FNDC3A: variants seen among roughly 807,000 people sequenced by gnomAD.
FNDC3A encodes the protein fibronectin type-III domain-containing protein 3A.
A neutral mutation model predicts 148.9 loss-of-function variants in FNDC3A; 32 were observed. The ratio of observed to expected loss-of-function variants is 0.21; its 90% CI spans 0.16 to 0.29. The LOEUF (loss-of-function observed/expected upper bound fraction) is 0.29. Ranked by LOEUF, FNDC3A falls within the 10% of genes least tolerant of loss-of-function variation. The probability of loss-of-function intolerance (pLI) is 1.00; values close to 1 mark genes in which losing one functional copy is unlikely to be tolerated. For synonymous variants in FNDC3A, 472 were observed against 473.6 expected, an observed-to-expected ratio of 1.00 and a Z score of 0.04; for missense variants, 1,191 against 1,452.8, an observed-to-expected ratio of 0.82 and a Z score of 2.93.
chr13:49,029,180 C>T (rs966756539), intron 2 of FNDC3A, among the ~76,000 whole-genome samples: 10 of 152,054 alleles, frequency 6.6e-5, no homozygotes, highest in African/African-American at 2.4e-4. Flanking sequence ...CTCTGTTGCC[C>T]AGGCTTCAGT....
intron 18 of FNDC3A, 35 bp from the exon 19 acceptor site, chr13:49,191,174 T>A: frequency 6.2e-7 from 1 of 1,605,284 alleles, no homozygotes; most frequent in Non-Finnish European, 8.5e-7. Flanking sequence ...GAAGTATTCG[T>A]CTTGTTAAAT....
At chr13:49,144,944 C>CT (rs139791994) in intron 7 of FNDC3A, among the ~76,000 whole-genome samples, 2,844 of 152,162 alleles carry the variant, frequency 0.019, 92 homozygotes, top group African/African-American at 0.063. Flanking sequence ...ACCTCATGTT[C>CT]TTTTTTGAGC....
chr13:49,046,965 A>C (rs542872431), intron 2 of FNDC3A, among the ~76,000 whole-genome samples: 46 of 152,144 alleles, frequency 3.0e-4, no homozygotes, highest in African/African-American at 1.1e-3. Context: ...CGAGCAGTGT[A>C]CACTGTACCC....
At chr13:49,051,191 A>C (rs1166528639) in intron 2 of FNDC3A, among the ~76,000 whole-genome samples, 1 of 151,794 alleles carries the variant, frequency 6.6e-6, no homozygotes, top group Non-Finnish European at 1.5e-5. Context: ...TCATTGCACT[A>C]TTTGTTGCCT....
intron 2 of FNDC3A, among the ~76,000 whole-genome samples, chr13:49,028,301 C>G (rs1873868695): frequency 6.6e-6 from 1 of 152,042 alleles, no homozygotes; most frequent in Non-Finnish European, 1.5e-5. Context: ...GCTCTATCAC[C>G]AGGCTGAAGT....
Position 49,191,108 on chromosome 13 carries a change from C to G in FNDC3A, c.2038C>G (p.Gln680Glu), listed in dbSNP as rs1885861166. The change falls in exon 18 of 26, where the codon CAG (glutamine) becomes GAG (glutamate). Residue 680 changes from glutamine (Q) to glutamate (E), a missense_variant. Coordinates refer to ENST00000492622, the MANE Select transcript of FNDC3A (RefSeq NM_001079673.2). ...LQGRPKAKEI[Q>E]LRWGPPLVDG... Reference sequence around the variant, plus strand: ...GGGTAGACCCAAAGCAAAAGAAATACAGTTACGATGGGGTAATTTCCATTT... The same window carrying G: ...GGGTAGACCCAAAGCAAAAGAAATAGAGTTACGATGGGGTAATTTCCATTT... 5 of 1,612,344 alleles carry G rather than the reference C, an allele frequency of 3.1e-6. No individual in the cohort carries two copies. The highest frequency in any genetic ancestry group is 4.2e-6 in the Non-Finnish European group (5 of 1,179,190).
intron 1 of FNDC3A, among the ~76,000 whole-genome samples, chr13:48,996,683 A>C (rs935785126): frequency 6.6e-6 from 1 of 152,166 alleles, no homozygotes; most frequent in Non-Finnish European, 1.5e-5. Flanking sequence ...ACAACTGCAT[A>C]TGATAGTCTT....
intron 14 of FNDC3A, among the ~76,000 whole-genome samples, chr13:49,181,242 T>C (rs1457270614): frequency 1.3e-5 from 2 of 152,218 alleles, no homozygotes; most frequent in African/African-American, 2.4e-5. Context: ...ACAATATGTC[T>C]GAAAGCCACC....
intron 20 of FNDC3A, 28 bp from the exon 21 acceptor site, chr13:49,197,697 A>C: frequency 6.3e-7 from 1 of 1,581,346 alleles, no homozygotes; most frequent in Non-Finnish European, 8.5e-7. Flanking sequence ...ATCAAGACTA[A>C]GACCTTTATC....
chr13:49,134,841 C>T (rs368916443), intron 5 of FNDC3A, among the ~76,000 whole-genome samples: 76 of 2,632 alleles, frequency 0.029, no homozygotes, highest in East Asian at 0.056. Flanking sequence ...GAGTTTCACT[C>T]TTTTTTTTTT....
chr13:49,183,785 T>C (rs1885424985), intron 14 of FNDC3A, among the ~76,000 whole-genome samples: 2 of 152,230 alleles, frequency 1.3e-5, no homozygotes, highest in Non-Finnish European at 2.9e-5. Context: ...GACTAAACTT[T>C]ACTGAGTTCT....
At chr13:49,169,163 A>T (rs1884631943) in intron 10 of FNDC3A, among the ~76,000 whole-genome samples, 1 of 152,242 alleles carries the variant, frequency 6.6e-6, no homozygotes, top group South Asian at 2.1e-4. Flanking sequence ...ATAGAAAAAT[A>T]TATATTTTAA....
intron 3 of FNDC3A, 70 bp from the exon 4 acceptor site, chr13:49,114,584 AT>A: frequency 1.0e-6 from 1 of 992,788 alleles, no homozygotes; most frequent in South Asian, 1.3e-5. Flanking sequence ...TCAAAATGTA[AT>A]TCAAATTGTT....
chr13:49,193,425 T>C (rs1450736755), intron 19 of FNDC3A, among the ~76,000 whole-genome samples: 1 of 152,146 alleles, frequency 6.6e-6, no homozygotes, highest in Non-Finnish European at 1.5e-5. Flanking sequence ...CATACCAGGC[T>C]GATTTTTTAC....
intron 3 of FNDC3A, among the ~76,000 whole-genome samples, chr13:49,081,817 A>G (rs1056636744): frequency 3.9e-5 from 6 of 152,180 alleles, no homozygotes; most frequent in African/African-American, 1.4e-4. Flanking sequence ...TATTTTCTCA[A>G]GCTTATTTGT....
intron 4 of FNDC3A, among the ~76,000 whole-genome samples, chr13:49,128,605 T>G (rs1881846653): frequency 6.6e-6 from 1 of 152,172 alleles, no homozygotes; most frequent in African/African-American, 2.4e-5. Flanking sequence ...TGCCCAAAAC[T>G]TTGTGATGAT....
At chr13:49,152,380 G>A (rs569999194) in intron 8 of FNDC3A, among the ~76,000 whole-genome samples, 52 of 152,260 alleles carry the variant, frequency 3.4e-4, no homozygotes, top group African/African-American at 1.2e-3. Context: ...GTCTTCTTTT[G>A]AGAAATGTCT....
At chr13:49,093,876 G>A (rs559668534) in intron 3 of FNDC3A, among the ~76,000 whole-genome samples, 2 of 152,268 alleles carry the variant, frequency 1.3e-5, no homozygotes, top group South Asian at 4.1e-4. Flanking sequence ...TATATTGCAT[G>A]ATGCTGGGGC....
At chr13:49,158,705 C>G (rs1229053395) in intron 8 of FNDC3A, among the ~76,000 whole-genome samples, 1 of 152,166 alleles carries the variant, frequency 6.6e-6, no homozygotes, top group East Asian at 1.9e-4. Context: ...TGCCTATGTC[C>G]TGAATGGTAA....
Sources: allele counts gnomAD v4.1 joint callset (sites outside exome capture counted in the v4.1 genomes callset), GRCh38; gene constraint gnomAD v4.1.1; transcripts MANE v1.5; gene names NCBI Gene and HGNC (gene_info 2026-07-23, HGNC 2026-07-21).